The following FAM135A variants were observed in gnomAD, a reference collection of about 807,000 sequenced individuals.
The protein encoded by FAM135A is family with sequence similarity 135 member A.
A neutral mutation model predicts 146.8 loss-of-function variants in FAM135A; 79 were observed. The observed-to-expected ratio is 0.54, with a 90% CI of 0.45 to 0.65. The LOEUF is 0.65. Ranked by LOEUF, FAM135A falls within the 30% of genes least tolerant of loss-of-function variation. The pLI, the probability that FAM135A is intolerant of heterozygous loss-of-function variation, is 0.00. For missense variants in FAM135A, 1,623 were observed against 1,758.2 expected, an observed-to-expected ratio of 0.92 and a Z score of 1.38; for synonymous variants, 562 against 603.6, an observed-to-expected ratio of 0.93 and a Z score of 1.01.
At chr6:70,531,112 A>T (rs1795722518) in intron 16 of FAM135A, among the ~76,000 whole-genome samples, 1 of 152,086 alleles carries the variant, frequency 6.6e-6, no homozygotes, top group Non-Finnish European at 1.5e-5. Context: ...ATGGAGAAGG[A>T]CTCTCTGGTG....
At position 70,528,335 on chromosome 6, in the gene FAM135A, G is replaced by C. The variant is rs1795120294; in HGVS notation, c.3658G>C (p.Gly1220Arg). Reference sequence around the variant, plus strand: ...AGAACTGAAGCTACTAAAACTTCCTGGGTTCATGTACAGTGAAGTTCCTCT... The same window carrying C: ...AGAACTGAAGCTACTAAAACTTCCTCGGTTCATGTACAGTGAAGTTCCTCT... ...KEELKLLKLP[G>R]FMYSEVPLLA... The change falls in exon 16 of 22, where the codon GGG becomes CGG. Residue 1220 changes from glycine (G) to arginine (R), a missense_variant. By Grantham distance (125) the Gly-to-Arg change is moderately radical (BLOSUM62 -2). Around this residue, in one of 7 missense-constraint regions of FAM135A, gnomAD observed 1,061 missense variants for 1,113.8 expected, o/e 0.95. Coordinates refer to ENST00000418814, the MANE Select transcript of FAM135A (RefSeq NM_001162529.3). 1 of 1,611,822 alleles carries C rather than the reference G, an allele frequency of 6.2e-7. No homozygotes were observed. The highest frequency in any genetic ancestry group is 8.5e-7 in the Non-Finnish European group (1 of 1,179,360).
At chr6:70,508,002 G>C (rs550521075) in intron 12 of FAM135A, among the ~76,000 whole-genome samples, 6 of 152,176 alleles carry the variant, frequency 3.9e-5, no homozygotes, top group African/African-American at 1.4e-4. Flanking sequence ...GAAAACTTGA[G>C]ACAAAGGACC....
In FAM135A at chr6:70,528,297, T is replaced by A; in HGVS notation, c.3620T>A (p.Leu1207His). Residue 1207 changes from leucine (L) to histidine (H), a missense_variant, in exon 16 of 22, where the codon CTT becomes CAT. Transcript: ENST00000418814. ...SSPKPQIQAF[L>H]QAKEELKLLK... Reference sequence around the variant, plus strand: ...TCTTTTGTATTTTGCTTCAGCTTCCTTCAGGCAAAAGAAGAACTGAAGCTA... The same window carrying A: ...TCTTTTGTATTTTGCTTCAGCTTCCATCAGGCAAAAGAAGAACTGAAGCTA... The A allele has an allele frequency of 6.2e-7, 1 of 1,606,728 alleles. No individual in the cohort carries two copies. The highest frequency in any genetic ancestry group is 1.1e-5 in the South Asian group (1 of 89,328).
chr6:70,558,352 G>A (rs537069002), intron 21 of FAM135A, among the ~76,000 whole-genome samples: 8 of 152,212 alleles, frequency 5.3e-5, no homozygotes, highest in Admixed American at 1.3e-4. Flanking sequence ...AAGCTCACAC[G>A]TTCCATGGAC....
chr6:70,419,418 C>A (rs1768271320), intron 2 of FAM135A, among the ~76,000 whole-genome samples: 2 of 146,026 alleles, frequency 1.4e-5, no homozygotes. Flanking sequence ...GACTTCGTCT[C>A]AAAAAAAAAA....
At chr6:70,504,410 A>G (rs1789246680) in intron 12 of FAM135A, 1 of 151,612 alleles carries the variant, frequency 6.6e-6, no homozygotes, top group African/African-American at 2.4e-5. Context: ...TATTATTTTC[A>G]TTGACTTTAT....
At chr6:70,453,642 C>T (rs1320564233) in intron 5 of FAM135A, among the ~76,000 whole-genome samples, 1 of 151,786 alleles carries the variant, frequency 6.6e-6, no homozygotes, top group Non-Finnish European at 1.5e-5. Context: ...TCAGTTCCCA[C>T]CTATGAGTGA....
intron 11 of FAM135A, among the ~76,000 whole-genome samples, chr6:70,491,660 T>G (rs1257840822): frequency 1.3e-5 from 2 of 151,912 alleles, no homozygotes; most frequent in Non-Finnish European, 3.0e-5. Context: ...GATATAAATT[T>G]GAATGAAGAC....
intron 12 of FAM135A, among the ~76,000 whole-genome samples, chr6:70,514,145 G>A (rs7741187): frequency 0.043 from 6,490 of 151,740 alleles, 295 homozygotes; most frequent in African/African-American, 0.1. Context: ...CTAATTATAT[G>A]TATATTATAT....
chr6:70,512,151 G>C (rs117146381), intron 12 of FAM135A, among the ~76,000 whole-genome samples: 2 of 151,876 alleles, frequency 1.3e-5, no homozygotes, highest in African/African-American at 4.8e-5. Flanking sequence ...CTACTGTCTT[G>C]ATTAGAAATA....
At chr6:70,464,586 T>G (rs1269626934) in intron 5 of FAM135A, among the ~76,000 whole-genome samples, 1 of 152,032 alleles carries the variant, frequency 6.6e-6, no homozygotes. Context: ...ATAATAACAT[T>G]AAAGTGTAAA....
chr6:70,444,887 A>G (rs547476848), intron 4 of FAM135A, among the ~76,000 whole-genome samples: 5 of 152,336 alleles, frequency 3.3e-5, no homozygotes, highest in Admixed American at 6.5e-5. Flanking sequence ...ATCTTATTCT[A>G]CAGAATCAGT....
chr6:70,506,831 A>G (rs1789887249), intron 12 of FAM135A, among the ~76,000 whole-genome samples: 1 of 150,380 alleles, frequency 6.6e-6, no homozygotes. Flanking sequence ...GAAAAATATT[A>G]TAGTTCCATT....
At position 70,537,671 on chromosome 6, in the gene FAM135A, G is replaced by C. The variant is rs534070855; in HGVS notation, c.4118-620G>C. ...CTGTTTCCCTAATATTAGAAGCAATGAAAATGGAAAAGAATATTTCATAGT... is the reference window on the plus strand; with the variant it reads ...CTGTTTCCCTAATATTAGAAGCAATCAAAATGGAAAAGAATATTTCATAGT... On this transcript the variant is annotated intron_variant, in intron 19 of 21. Transcript: ENST00000418814. Among the ~76,000 whole-genome samples, 569 of 152,206 alleles carry C rather than the reference G, an allele frequency of 3.7e-3. 6 individuals are homozygous for C. The highest frequency in any genetic ancestry group is 0.013 in the African/African-American group (548 of 41,532).
chr6:70,503,467 C>CA (rs1300286359), intron 12 of FAM135A: 6 of 151,978 alleles, frequency 3.9e-5, no homozygotes, highest in Non-Finnish European at 5.9e-5. Context: ...AAACATAACA[C>CA]ATAAAGTCAG....
chr6:70,533,986 A>G (rs966806607), intron 18 of FAM135A, 132 bp downstream of exon 18: 15 of 426,074 alleles, frequency 3.5e-5, no homozygotes, highest in Non-Finnish European at 4.8e-5. Context: ...TATAGTGAAA[A>G]AAAGTAAAGA....
chr6:70,551,453 A>G (rs1036813686), intron 20 of FAM135A, among the ~76,000 whole-genome samples: 2 of 152,134 alleles, frequency 1.3e-5, no homozygotes, highest in African/African-American at 2.4e-5. Flanking sequence ...TACAAAAAAT[A>G]ACAAAAAAAA....
Position 70,491,039 on chromosome 6 carries a change from A to G in FAM135A, c.829A>G (p.Met277Val), listed in dbSNP as rs1470043399. 8.1e-6 allele frequency: 13 copies of G among 1,598,888 alleles called. No individual in the cohort carries two copies. Among genetic ancestry groups the G allele is most frequent in the Non-Finnish European group, 1.1e-5 (13 of 1,173,822 alleles). The change falls in exon 11 of 22, where the codon ATG becomes GTG. Residue 277 changes from methionine to valine, a missense_variant. By Grantham distance (21) the Met-to-Val change is conservative. Coordinates refer to ENST00000418814, the MANE Select transcript of FAM135A (RefSeq NM_001162529.3). ...CTACTCTTTACTCCTTCCAGAGGAA[A>G]TGGATGTAGAAGCTCGACTTACTGA... ...PSCQKLELEEMDVEARLTELC... is the reference protein window; with the variant it reads ...PSCQKLELEEVDVEARLTELC...
intron 20 of FAM135A, 191 bp from the exon 21 acceptor site, chr6:70,556,559 T>C: frequency 2.0e-6 from 1 of 494,914 alleles, no homozygotes; most frequent in Admixed American, 3.5e-5. Flanking sequence ...GCATCAAGAC[T>C]ACATAACAGT....
Sources: gnomAD v4.1 joint callset for allele counts (sites outside exome capture counted in the v4.1 genomes callset) on GRCh38, gnomAD v4.1.1 for gene constraint, gnomAD v4.1.1 regional missense constraint, MANE v1.5 for transcripts, NCBI Gene and HGNC (gene_info 2026-07-23, HGNC 2026-07-21) for gene names.